Variants in DNAI1 observed in about 807,000 individuals in gnomAD.
DNAI1 encodes dynein, axonemal, intermediate polypeptide 1.
A neutral mutation model predicts 92.0 loss-of-function variants in DNAI1; 67 were observed. That is an observed-to-expected ratio of 0.73 (90% CI 0.60 to 0.89). The LOEUF (loss-of-function observed/expected upper bound fraction) is 0.89, where lower values mean the gene tolerates loss of function less well. Among genes scored for constraint, DNAI1 ranks in the 40% least tolerant of loss-of-function variants. The pLI is 0.00. For synonymous variants in DNAI1, 323 were observed against 319.6 expected, an observed-to-expected ratio of 1.01 and a Z score of -0.11; for missense variants, 839 against 866.6, an observed-to-expected ratio of 0.97 and a Z score of 0.40.
Position 34,520,842 on chromosome 9 carries a change from G to C in DNAI1, c.*86G>C. 3.1e-6 allele frequency: 4 copies of C among 1,300,026 alleles called. No individual in the cohort carries two copies. The South Asian group carries it at 3.8e-5, about 12-fold the overall frequency. 80.5% of individuals were successfully genotyped at this position (1,300,026 alleles called of 1,614,324 possible). ...GTACCCAGCCCAGCCTTAGCACCCA[G>C]CATGTGACCCCACTCCTGATCAGGT... On this transcript the variant is annotated 3_prime_UTR_variant, in exon 20 of 20. Coordinates refer to ENST00000242317, the MANE Select transcript of DNAI1 (RefSeq NM_012144.4).
At chr9:34,497,732 T>C (rs1824754320) in intron 10 of DNAI1, among the ~76,000 whole-genome samples, 1 of 152,024 alleles carries the variant, frequency 6.6e-6, no homozygotes, top group African/African-American at 2.4e-5. Flanking sequence ...ATGGAAGGCT[T>C]TGGAGAGGGC....
chr9:34,493,875 G>A (rs960428202), intron 9 of DNAI1, among the ~76,000 whole-genome samples: 21 of 152,130 alleles, frequency 1.4e-4, no homozygotes, highest in Non-Finnish European at 1.6e-4. Flanking sequence ...CCATGTAGAA[G>A]TCATTATAAA....
At chr9:34,490,928 G>A (rs182934589) in intron 7 of DNAI1, among the ~76,000 whole-genome samples, 40 of 152,324 alleles carry the variant, frequency 2.6e-4, no homozygotes, top group African/African-American at 8.9e-4. Context: ...GCCTCTCAGC[G>A]TTTCAGGTGA....
chr9:34,489,431 C>T lies in DNAI1; in HGVS notation c.370C>T (p.Arg124Cys), dbSNP rs116938457. 8.3e-4 allele frequency: 1,332 copies of T among 1,613,832 alleles called. No individual in the cohort carries two copies. Among genetic ancestry groups the T allele is most frequent in the Non-Finnish European group, 1.0e-3 (1,189 of 1,179,978 alleles). Reference protein sequence around the residue: ...DSDEGRRQHYRDELVAGSQES... With the variant: ...DSDEGRRQHYCDELVAGSQES... ...AGATGAAGGACGGCGGCAGCATTAC[C>T]GCGATGAATTAGTGGCAGGTAGGAC... The change falls in exon 5 of 20, where the codon CGC becomes TGC. Residue 124 changes from arginine to cysteine, a missense_variant. Physicochemically the swap from Arg to Cys is radical, Grantham distance 180. Coordinates refer to ENST00000242317, the MANE Select transcript of DNAI1 (RefSeq NM_012144.4).
intron 1 of DNAI1, among the ~76,000 whole-genome samples, chr9:34,474,567 CT>C (rs55701117): frequency 7.0e-3 from 753 of 107,850 alleles, no homozygotes; most frequent in African/African-American, 0.021. Flanking sequence ...TTTTTTTTTC[CT>C]TTTTTTTTTT....
intron 1 of DNAI1, among the ~76,000 whole-genome samples, chr9:34,476,229 C>G (rs540174323): frequency 6.6e-6 from 1 of 152,288 alleles, no homozygotes; most frequent in East Asian, 1.9e-4. Context: ...ATCAACTGGT[C>G]TCTGCCTCTC....
At chr9:34,480,814 C>T (rs1429658082) in intron 1 of DNAI1, among the ~76,000 whole-genome samples, 1 of 152,114 alleles carries the variant, frequency 6.6e-6, no homozygotes, top group Non-Finnish European at 1.5e-5. Context: ...GGTGCAGTGG[C>T]TCACGCCTGT....
At position 34,514,851 on chromosome 9, in the gene DNAI1, G is replaced by A. The variant is rs963294227; in HGVS notation, c.1818+112G>A. On this transcript the variant is annotated intron_variant, in intron 18 of 19. Coordinates refer to ENST00000242317, the MANE Select transcript of DNAI1 (RefSeq NM_012144.4). ...ATGCCTAGGTCAGGAAGGAGAAGGC[G>A]GGACATAAGGACTGTGTATTTTCCA... 91 of 1,165,094 alleles carry A rather than the reference G, an allele frequency of 7.8e-5. 1 individual carries two copies. The East Asian group carries it at 1.6e-3, about 21-fold the overall frequency. The allele number at this position is 1,165,094 out of a possible 1,614,324, so 72.2% of individuals were successfully genotyped here.
intron 1 of DNAI1, 60 bp from the exon 2 acceptor site, chr9:34,483,388 T>C: frequency 6.5e-7 from 1 of 1,540,560 alleles, no homozygotes; most frequent in Non-Finnish European, 8.9e-7. Context: ...AAATACTGTT[T>C]ATGATATTTC....
At chr9:34,485,976 T>C (rs1824460900) in intron 4 of DNAI1, among the ~76,000 whole-genome samples, 1 of 152,148 alleles carries the variant, frequency 6.6e-6, no homozygotes, top group Admixed American at 6.5e-5. Flanking sequence ...TCTCAGCGTT[T>C]CTTGACATCA....
rs918186656 is a variant in DNAI1, at chr9:34,482,143, T to C, written c.49-1305T>C. On this transcript the variant is annotated intron_variant, in intron 1 of 19. Transcript: ENST00000242317. ...AGAGCAGCTAGATACAGAGTGTCGATTGGTGCATTCACAAACCTTGAGCTA... is the reference window on the plus strand; with the variant it reads ...AGAGCAGCTAGATACAGAGTGTCGACTGGTGCATTCACAAACCTTGAGCTA... 3.3e-5 allele frequency among the ~76,000 whole-genome samples: 5 copies of C among 152,212 alleles called. No homozygotes were observed. In the East Asian group the frequency reaches 5.8e-4, roughly 18 times the overall value.
In DNAI1 at chr9:34,500,707, C is replaced by G; in HGVS notation, c.902-15C>G. On this transcript the variant is annotated splice_polypyrimidine_tract_variant and intron_variant, in intron 10 of 19. Transcript: ENST00000242317. ...GCGGCAGTCCCAGGGCTGACTCTGC[C>G]TGTGTGTGTTTAAGATTTTAAGTAC... 1 of 1,598,912 alleles carries G rather than the reference C, an allele frequency of 6.3e-7. No individual in the cohort carries two copies. The highest frequency in any genetic ancestry group is 1.1e-5 in the South Asian group (1 of 90,342).
chr9:34,514,168 G>A (rs1024494768), intron 16 of DNAI1, among the ~76,000 whole-genome samples: 7 of 152,130 alleles, frequency 4.6e-5, no homozygotes, highest in Admixed American at 3.3e-4. Context: ...CCTTCATCCT[G>A]CAGGAAGTCT....
At chr9:34,501,456 T>G (rs1460941677) in intron 12 of DNAI1, among the ~76,000 whole-genome samples, 1 of 152,234 alleles carries the variant, frequency 6.6e-6, no homozygotes, top group East Asian at 1.9e-4. Context: ...ATGCAAAGGC[T>G]TGGAGGCATG....
intron 1 of DNAI1, among the ~76,000 whole-genome samples, chr9:34,469,193 A>T (rs1370468696): frequency 6.6e-6 from 1 of 151,976 alleles, no homozygotes; most frequent in Non-Finnish European, 1.5e-5. Context: ...GCATACAGGG[A>T]AACAATTATA....
intron 2 of DNAI1, among the ~76,000 whole-genome samples, chr9:34,484,116 G>A (rs1204758358): frequency 2.6e-5 from 4 of 152,190 alleles, no homozygotes; most frequent in South Asian, 2.1e-4. Flanking sequence ...TTGGGAGGCC[G>A]AGGCAAGAGA....
At chr9:34,482,649 G>A (rs899553760) in intron 1 of DNAI1, among the ~76,000 whole-genome samples, 4 of 152,274 alleles carry the variant, frequency 2.6e-5, no homozygotes, top group Non-Finnish European at 5.9e-5. Flanking sequence ...CCCTGAGCTA[G>A]ATATAAAGAC....
chr9:34,517,616 G>A, intron 19 of DNAI1, 149 bp downstream of exon 19: 1 of 973,034 alleles, frequency 1.0e-6, no homozygotes, highest in African/African-American at 1.6e-5. Context: ...GAGGCTCACA[G>A]TAGAAGCAGG....
At chr9:34,512,654 A>T (rs1426602635) in intron 15 of DNAI1, among the ~76,000 whole-genome samples, 1 of 152,180 alleles carries the variant, frequency 6.6e-6, no homozygotes, top group African/African-American at 2.4e-5. Flanking sequence ...GTTCCTGTTT[A>T]TGCAGATCAG....
Sources: gnomAD v4.1 joint callset for allele counts (sites outside exome capture counted in the v4.1 genomes callset) on GRCh38, gnomAD v4.1.1 for gene constraint, MANE v1.5 for transcripts, NCBI Gene and HGNC (gene_info 2026-07-23, HGNC 2026-07-21) for gene names.